The following SFXN1 variants were observed in gnomAD, a reference collection of about 807,000 sequenced individuals.
SFXN1 encodes the protein sideroflexin 1.
Under a neutral mutation model 39.5 loss-of-function variants are expected in SFXN1, and 32 were observed. That is an observed-to-expected ratio of 0.81 (90% CI 0.61 to 1.09). The LOEUF is 1.09. Among genes scored for constraint, SFXN1 ranks in the 50% least tolerant of loss-of-function variants. SFXN1 has a pLI of 0.00. For missense variants in SFXN1, 402 were observed against 407.1 expected (o/e 0.99, Z 0.11); for synonymous variants, 136 against 146.5 (o/e 0.93, Z 0.52).
intron 2 of SFXN1, among the ~76,000 whole-genome samples, chr5:175,496,051 C>T (rs1232038814): frequency 6.6e-6 from 1 of 151,204 alleles, no homozygotes; most frequent in African/African-American, 2.4e-5. Flanking sequence ...CAGGCACGCA[C>T]CACCACACCT....
intron 8 of SFXN1, among the ~76,000 whole-genome samples, chr5:175,519,530 A>G (rs141731531): frequency 7.9e-4 from 120 of 152,362 alleles, no homozygotes; most frequent in Non-Finnish European, 1.3e-3. Flanking sequence ...TACACACAAC[A>G]TGAAGGCGTC....
In SFXN1 at chr5:175,522,622, T is replaced by C. The variant is rs1042613293; in HGVS notation, c.872+200T>C. On this transcript the variant is annotated intron_variant, in intron 10 of 10. Transcript: ENST00000321442. ...ATTTCAGATGCACCCAGCTCTTTTC[T>C]ACCCCCTTCCATTAAATTTGAAAAT... is the stretch of plus-strand genomic sequence containing the variant. 7 of 492,712 alleles carry C rather than the reference T, an allele frequency of 1.4e-5. No homozygotes were observed. In the African/African-American group the frequency reaches 1.4e-4, roughly 10 times the overall value. 30.5% of individuals were successfully genotyped at this position (492,712 alleles called of 1,614,324 possible). A position where few individuals can be genotyped will look rare whatever the true frequency, so the allele number is the denominator to read the frequency against.
chr5:175,490,523 C>T (rs1307007875), intron 1 of SFXN1, among the ~76,000 whole-genome samples: 3 of 152,140 alleles, frequency 2.0e-5, no homozygotes, highest in Non-Finnish European at 2.9e-5. Flanking sequence ...AATGTACCTC[C>T]GAACCTGTAA....
At chr5:175,506,602 G>A (rs899281120) in intron 2 of SFXN1, among the ~76,000 whole-genome samples, 1 of 152,054 alleles carries the variant, frequency 6.6e-6, no homozygotes, top group Admixed American at 6.5e-5. Context: ...TAGGAGATTG[G>A]TATATATTAC....
chr5:175,509,699 A>T (rs2662169), intron 3 of SFXN1, among the ~76,000 whole-genome samples: 6,346 of 152,168 alleles, frequency 0.042, 431 homozygotes, highest in African/African-American at 0.14. Context: ...GTATAAGTGT[A>T]GATATAGGCA....
At chr5:175,520,057 A>G (rs1283739034) in intron 8 of SFXN1, among the ~76,000 whole-genome samples, 1 of 151,096 alleles carries the variant, frequency 6.6e-6, no homozygotes, top group African/African-American at 2.4e-5. Context: ...TTTAGTAGAG[A>G]CGGGATTTCA....
At position 175,500,385 on chromosome 5, in the gene SFXN1, A is replaced by T. The variant is rs575885961; in HGVS notation, c.164+8118A>T. 1.0e-4 allele frequency among the ~76,000 whole-genome samples: 15 copies of T among 150,566 alleles called. No individual in the cohort carries two copies. The South Asian group carries it at 3.1e-3, about 32-fold the overall frequency. On this transcript the variant is annotated intron_variant, in intron 2 of 10. Coordinates refer to ENST00000321442, the MANE Select transcript of SFXN1 (RefSeq NM_022754.7). ...CTTAGAGATCACTTTAACAAAATAT[A>T]TAAAATGCCTGTACACCAACACACA... is the stretch of plus-strand genomic sequence containing the variant.
At chr5:175,526,416 G>C (rs1479460685) in intron 10 of SFXN1, among the ~76,000 whole-genome samples, 4 of 152,096 alleles carry the variant, frequency 2.6e-5, no homozygotes, top group African/African-American at 9.7e-5. Context: ...ATATGAGAGG[G>C]AAAAGTTGGG....
intron 4 of SFXN1, among the ~76,000 whole-genome samples, chr5:175,510,584 A>G (rs1384562221): frequency 2.6e-5 from 4 of 152,170 alleles, no homozygotes; most frequent in Non-Finnish European, 4.4e-5. Flanking sequence ...ACAGACACCA[A>G]CGTTAAGAGT....
At chr5:175,522,058 T>G in intron 9 of SFXN1, 90 bp downstream of exon 9, 2 of 1,123,318 alleles carry the variant, frequency 1.8e-6, no homozygotes, top group Non-Finnish European at 2.5e-6. Context: ...GGGATACAAA[T>G]TTTGAAAATG....
At chr5:175,494,342 T>C (rs1759776305) in intron 2 of SFXN1, among the ~76,000 whole-genome samples, 1 of 152,226 alleles carries the variant, frequency 6.6e-6, no homozygotes. Context: ...TCTTTTCATC[T>C]CTACGCTGAA....
Position 175,529,399 on chromosome 5 carries a change from GT to G in SFXN1, c.*2667del, listed in dbSNP as rs1471627560. On this transcript the variant is annotated 3_prime_UTR_variant, in exon 11 of 11. Coordinates refer to ENST00000321442, the MANE Select transcript of SFXN1 (RefSeq NM_022754.7). ...AACATGGAGCTGCATCTTTTTAAAC[GT>G]TGTTTTTTGATGCTTCAGACTCTTA... 2.0e-5 allele frequency: 3 copies of G among 151,460 alleles called. No individual in the cohort carries two copies. Among genetic ancestry groups the G allele is most frequent in the Non-Finnish European group, 4.4e-5 (3 of 67,936 alleles). The allele number at this position is 151,460 out of a possible 1,614,324, so 9.4% of individuals were successfully genotyped here. A position where few individuals can be genotyped will look rare whatever the true frequency, so the allele number is the denominator to read the frequency against.
At chr5:175,500,095 C>T (rs111857258) in intron 2 of SFXN1, among the ~76,000 whole-genome samples, 2 of 152,054 alleles carry the variant, frequency 1.3e-5, no homozygotes, top group African/African-American at 4.8e-5. Flanking sequence ...TGCTGAGGCA[C>T]GAGAATCACT....
chr5:175,506,232 A>G (rs372856796), intron 2 of SFXN1, among the ~76,000 whole-genome samples: 1 of 152,258 alleles, frequency 6.6e-6, no homozygotes, highest in African/African-American at 2.4e-5. Context: ...ATCTTTCTAG[A>G]TAGAAACTTT....
chr5:175,512,005 C>G, intron 5 of SFXN1, 106 bp from the exon 6 acceptor site: 2 of 1,028,108 alleles, frequency 1.9e-6, no homozygotes. Context: ...AGTTTCTATG[C>G]AAATGGGACT....
chr5:175,501,368 G>T (rs1420782522), intron 2 of SFXN1, among the ~76,000 whole-genome samples: 1 of 152,034 alleles, frequency 6.6e-6, no homozygotes, highest in Admixed American at 6.6e-5. Flanking sequence ...GCGCCCGGCA[G>T]TATGGGCAAA....
At chr5:175,513,919 G>A (rs1053153244) in intron 7 of SFXN1, among the ~76,000 whole-genome samples, 1 of 151,978 alleles carries the variant, frequency 6.6e-6, no homozygotes, top group African/African-American at 2.4e-5. Context: ...AGGCATTACG[G>A]GTGCAGGTGC....
intron 2 of SFXN1, among the ~76,000 whole-genome samples, chr5:175,497,299 A>G (rs1042675160): frequency 2.0e-5 from 3 of 152,212 alleles, no homozygotes; most frequent in South Asian, 2.1e-4. Context: ...ATGAGCCTTC[A>G]GGGGAGATTA....
At chr5:175,508,450 G>GT (rs1416364265) in intron 2 of SFXN1, among the ~76,000 whole-genome samples, 1 of 151,816 alleles carries the variant, frequency 6.6e-6, no homozygotes, top group Non-Finnish European at 1.5e-5. Flanking sequence ...GCTAAGGCTG[G>GT]TTTTGAACTC....
Sources: gnomAD v4.1 joint callset for allele counts (sites outside exome capture counted in the v4.1 genomes callset) on GRCh38, gnomAD v4.1.1 for gene constraint, MANE v1.5 for transcripts, NCBI Gene and HGNC (gene_info 2026-07-23, HGNC 2026-07-21) for gene names.